LRMDA: variants seen among roughly 807,000 people sequenced by gnomAD.
LRMDA encodes the protein leucine-rich melanocyte differentiation-associated protein.
In LRMDA, 18 loss-of-function variants were observed where a neutral mutation model predicts 29.8. The observed-to-expected ratio is 0.60, with a 90% CI of 0.42 to 0.90. The LOEUF (loss-of-function observed/expected upper bound fraction) is 0.90. Ranked by LOEUF, LRMDA falls within the 40% of genes least tolerant of loss-of-function variation. The pLI is 0.00. For synonymous variants in LRMDA, 125 were observed against 109.4 expected, an observed-to-expected ratio of 1.14 and a Z score of -0.89; for missense variants, 273 against 273.9, an observed-to-expected ratio of 1.00 and a Z score of 0.02.
chr10:76,152,820 TA>T (rs1310163227), intron 5 of LRMDA, among the ~76,000 whole-genome samples: 1 of 151,298 alleles, frequency 6.6e-6, no homozygotes, highest in East Asian at 1.9e-4. Flanking sequence ...ATATCTTCTT[TA>T]AAAAACTGTC....
intron 2 of LRMDA, among the ~76,000 whole-genome samples, chr10:75,766,310 G>A (rs1843167192): frequency 6.6e-6 from 1 of 152,208 alleles, no homozygotes; most frequent in Non-Finnish European, 1.5e-5. Context: ...CAGAGAGGAA[G>A]CATCTTGATC....
intron 2 of LRMDA, among the ~76,000 whole-genome samples, chr10:75,448,523 G>C (rs146811613): frequency 6.6e-6 from 1 of 152,328 alleles, no homozygotes; most frequent in Non-Finnish European, 1.5e-5. Context: ...CTACTTGCTA[G>C]ACCTTCAAGT....
intron 6 of LRMDA, among the ~76,000 whole-genome samples, chr10:76,471,380 A>G (rs1564550703): frequency 6.6e-6 from 1 of 151,776 alleles, no homozygotes; most frequent in Non-Finnish European, 1.5e-5. Context: ...TATATCTGAA[A>G]GAGATTCTGA....
chr10:75,905,668 G>A (rs9415128), intron 2 of LRMDA, among the ~76,000 whole-genome samples: 6,503 of 152,196 alleles, frequency 0.043, 488 homozygotes, highest in East Asian at 0.35. Context: ...GCAATGAAGG[G>A]GAGTAGCATG....
At chr10:75,768,384 T>C (rs1843196309) in intron 2 of LRMDA, among the ~76,000 whole-genome samples, 1 of 152,232 alleles carries the variant, frequency 6.6e-6, no homozygotes, top group African/African-American at 2.4e-5. Context: ...GTACATCAGA[T>C]GGGTAATAAT....
At chr10:76,472,066 A>T (rs1292942652) in intron 6 of LRMDA, among the ~76,000 whole-genome samples, 1 of 151,744 alleles carries the variant, frequency 6.6e-6, no homozygotes, top group South Asian at 2.1e-4. Flanking sequence ...AACACTATAA[A>T]CCAACTTGAC....
chr10:75,980,735 C>T (rs1847153671), intron 2 of LRMDA, among the ~76,000 whole-genome samples: 1 of 152,194 alleles, frequency 6.6e-6, no homozygotes, highest in Non-Finnish European at 1.5e-5. Flanking sequence ...ATTATTTCCT[C>T]TTTTACTCTT....
At chr10:75,806,809 CAA>C (rs56657815) in intron 2 of LRMDA, among the ~76,000 whole-genome samples, 9 of 77,280 alleles carry the variant, frequency 1.2e-4, no homozygotes, top group East Asian at 4.0e-4. Context: ...CTGGAAATTG[CAA>C]AAAAAAAAAA....
intron 2 of LRMDA, among the ~76,000 whole-genome samples, chr10:75,837,242 G>A (rs1264773379): frequency 6.6e-6 from 1 of 152,080 alleles, no homozygotes; most frequent in Non-Finnish European, 1.5e-5. Context: ...AGTATTAGGT[G>A]GGGTTAAATT....
Position 75,808,806 on chromosome 10 carries a change from C to T in LRMDA, c.132-227202C>T, listed in dbSNP as rs540602576. Among the ~76,000 whole-genome samples the T allele has an allele frequency of 5.3e-5, 8 of 152,298 alleles. No homozygotes were observed. In the South Asian group the frequency reaches 1.7e-3, roughly 32 times the overall value. ...TACAGGCATGAGCCACTATGCCTGG[C>T]CTGATGGTCATACTTTTTAAAGGCT... On this transcript the variant is annotated intron_variant, in intron 2 of 6. Transcript: ENST00000611255.
chr10:76,171,705 C>A lies in LRMDA; in HGVS notation c.516+112922C>A, dbSNP rs144179189. Among the ~76,000 whole-genome samples the A allele has an allele frequency of 2.8e-4, 43 of 152,312 alleles. No homozygotes were observed. In the East Asian group the frequency reaches 7.7e-3, roughly 27 times the overall value. Reference sequence around the variant, plus strand: ...GCTTCTCTTTAGGGCATAGCACCAACGTCTTCTTGTGAGTGTATCCTAAAA... The same window carrying A: ...GCTTCTCTTTAGGGCATAGCACCAAAGTCTTCTTGTGAGTGTATCCTAAAA... On this transcript the variant is annotated intron_variant, in intron 5 of 6. Transcript: ENST00000611255.
At chr10:75,629,144 C>T (rs1377915458) in intron 2 of LRMDA, among the ~76,000 whole-genome samples, 1 of 152,184 alleles carries the variant, frequency 6.6e-6, no homozygotes, top group Non-Finnish European at 1.5e-5. Context: ...TGTGACTCCC[C>T]AGATACTGCC....
At chr10:76,187,961 G>A (rs113712918) in intron 5 of LRMDA, among the ~76,000 whole-genome samples, 186 of 152,282 alleles carry the variant, frequency 1.2e-3, no homozygotes, top group Non-Finnish European at 2.1e-3. Context: ...ATTCATTGCA[G>A]CATTAGGAGT....
chr10:75,934,803 C>T (rs1216612205), intron 2 of LRMDA, among the ~76,000 whole-genome samples: 2 of 152,186 alleles, frequency 1.3e-5, no homozygotes, highest in Non-Finnish European at 2.9e-5. Flanking sequence ...AGTGTGAATG[C>T]GAAGAAATTG....
chr10:75,706,894 G>A (rs1842376985), intron 2 of LRMDA, among the ~76,000 whole-genome samples: 1 of 152,102 alleles, frequency 6.6e-6, no homozygotes, highest in Non-Finnish European at 1.5e-5. Flanking sequence ...GGGGACCTCA[G>A]TATACTCTTG....
At chr10:75,783,432 G>C (rs1010769459) in intron 2 of LRMDA, among the ~76,000 whole-genome samples, 1 of 147,196 alleles carries the variant, frequency 6.8e-6, no homozygotes, top group African/African-American at 2.5e-5. Flanking sequence ...GAATTAGCTA[G>C]AGTCAGTAGC....
chr10:76,128,360 G>A lies in LRMDA; in HGVS notation c.516+69577G>A, dbSNP rs1313948889. On this transcript the variant is annotated intron_variant, in intron 5 of 6. Coordinates refer to ENST00000611255, the MANE Select transcript of LRMDA (RefSeq NM_001305581.2). ...GGAAACCCTGAGTTGGTGTGGATGG[G>A]AACAATGAAGAGCAGGAGGCTGAAG... Among the ~76,000 whole-genome samples the A allele has an allele frequency of 4.6e-5, 7 of 152,170 alleles. No homozygotes were observed. The East Asian group carries it at 1.2e-3, about 25-fold the overall frequency.
intron 5 of LRMDA, among the ~76,000 whole-genome samples, chr10:76,212,497 A>G (rs1397146074): frequency 6.6e-6 from 1 of 152,160 alleles, no homozygotes; most frequent in Non-Finnish European, 1.5e-5. Context: ...CTGCTGAACA[A>G]TAATTCATTC....
rs199864997 is a variant in LRMDA at position 75,475,902 on chromosome 10, G to A, written c.131+37408G>A. On this transcript the variant is annotated intron_variant, in intron 2 of 6. Transcript: ENST00000611255. ...TGTTTTTCTCCTTCCGAAAGAAGGC[G>A]TGGGTGTTGAAAGTGATTTTTGATT... 2.6e-5 allele frequency among the ~76,000 whole-genome samples: 4 copies of A among 152,310 alleles called. No individual in the cohort carries two copies. In the East Asian group the frequency reaches 5.8e-4, roughly 22 times the overall value.
Sources: gnomAD v4.1 joint callset for allele counts (sites outside exome capture counted in the v4.1 genomes callset) on GRCh38, gnomAD v4.1.1 for gene constraint, MANE v1.5 for transcripts, NCBI Gene and HGNC (gene_info 2026-07-23, HGNC 2026-07-21) for gene names.